Variants in EXOC5 observed in about 807,000 individuals in gnomAD.
The protein encoded by EXOC5 is exocyst complex component 5, also known as SEC10-like 1.
EXOC5 carries 17 observed loss-of-function variants against 90.8 expected under a neutral mutation model. That is an observed-to-expected ratio of 0.19 (90% CI 0.13 to 0.28). EXOC5 has a LOEUF of 0.28. Ranked by LOEUF, EXOC5 falls within the 10% of genes least tolerant of loss-of-function variation. EXOC5 has a pLI of 1.00. For missense variants in EXOC5, 569 were observed against 830.6 expected (o/e 0.69, Z 3.87); for synonymous variants, 260 against 270.0 (o/e 0.96, Z 0.36).
At chr14:57,217,898 C>T (rs2139616516) in intron 15 of EXOC5, 84 bp downstream of exon 15, 1 of 721,572 alleles carries the variant, frequency 1.4e-6, no homozygotes, top group Non-Finnish European at 2.5e-6. Flanking sequence ...AAATATTTTT[C>T]TTCTCTACAA....
intron 12 of EXOC5, 41 bp from the exon 13 acceptor site, chr14:57,222,457 C>T (rs763433815): frequency 3.3e-6 from 4 of 1,216,730 alleles, no homozygotes; most frequent in Admixed American, 2.2e-5. Context: ...CTCAAGTCTA[C>T]CTTTTGAAAA....
intron 6 of EXOC5, 60 bp from the exon 7 acceptor site, chr14:57,235,880 T>C (rs1188539567): frequency 1.2e-5 from 9 of 777,862 alleles, no homozygotes; most frequent in Non-Finnish European, 1.8e-5. Flanking sequence ...TATTTAAGAG[T>C]ATCTACATTA....
In EXOC5 at chr14:57,222,431, TCAAA is replaced by T; in HGVS notation, c.1297-19_1297-16del. 2.1e-6 allele frequency: 3 copies of T among 1,411,046 alleles called. No homozygotes were observed. Among genetic ancestry groups the T allele is most frequent in the Non-Finnish European group, 3.0e-6 (3 of 1,010,892 alleles). The allele number at this position is 1,411,046 out of a possible 1,614,324, so 87.4% of individuals were successfully genotyped here. Reference sequence around the variant, plus strand: ...GGATCAGAGAGCTTAAAAACAAAAATCAAACAATATCACTCCTCAAGTCTACCTT... The same window carrying T: ...GGATCAGAGAGCTTAAAAACAAAAATCAATATCACTCCTCAAGTCTACCTT... On this transcript the variant is annotated splice_polypyrimidine_tract_variant and intron_variant, in intron 12 of 17. Transcript: ENST00000621441.
At chr14:57,236,577 T>C (rs1883666650) in intron 6 of EXOC5, among the ~76,000 whole-genome samples, 2 of 152,150 alleles carry the variant, frequency 1.3e-5, no homozygotes, top group South Asian at 2.1e-4. Context: ...CGAACCACCA[T>C]GTCCGGCCCT....
intron 1 of EXOC5, among the ~76,000 whole-genome samples, chr14:57,255,099 T>A (rs1884312040): frequency 1.3e-5 from 2 of 152,128 alleles, no homozygotes; most frequent in South Asian, 4.1e-4. Flanking sequence ...TGCTTGGCAT[T>A]AGCACTCTGA....
intron 1 of EXOC5, among the ~76,000 whole-genome samples, chr14:57,251,732 TAAAG>T (rs1179635317): frequency 1.6e-5 from 2 of 128,834 alleles, no homozygotes; most frequent in Admixed American, 6.7e-5. Context: ...AATTAGAGAA[TAAAG>T]AAACAATAGG....
At chr14:57,214,159 G>GTGGTAAAGTT (rs1882906631) in intron 15 of EXOC5, among the ~76,000 whole-genome samples, 1 of 152,024 alleles carries the variant, frequency 6.6e-6, no homozygotes, top group African/African-American at 2.4e-5. Flanking sequence ...ACCTACCATT[G>GTGGTAAAGTT]GCATGTCCAG....
intron 1 of EXOC5, among the ~76,000 whole-genome samples, chr14:57,258,497 T>C (rs1285085420): frequency 2.0e-5 from 3 of 151,750 alleles, no homozygotes; most frequent in African/African-American, 7.3e-5. Context: ...AGCTGAAAAA[T>C]GAGAATACAT....
chr14:57,212,601 G>A (rs945887909), intron 15 of EXOC5, among the ~76,000 whole-genome samples: 1 of 152,202 alleles, frequency 6.6e-6, no homozygotes, highest in Non-Finnish European at 1.5e-5. Context: ...TGCCAACATA[G>A]TGGTGTTTCA....
intron 7 of EXOC5, among the ~76,000 whole-genome samples, chr14:57,234,592 T>C (rs2139639584): frequency 6.7e-6 from 1 of 149,382 alleles, no homozygotes; most frequent in Non-Finnish European, 1.5e-5. Context: ...TGAGACAGGA[T>C]TTCACTCCTG....
rs1446636139 is a variant in EXOC5, at chr14:57,203,671, T to A, written c.*4938A>T. On this transcript the variant is annotated 3_prime_UTR_variant, in exon 18 of 18. Transcript: ENST00000621441. ...TACATTTTACTGACCTTTCACTGATTATAAAGTAATTTAAGTGATTTTTGA... is the reference window on the plus strand; with the variant it reads ...TACATTTTACTGACCTTTCACTGATAATAAAGTAATTTAAGTGATTTTTGA... 4.6e-5 allele frequency: 7 copies of A among 152,586 alleles called. 1 individual carries two copies. Among genetic ancestry groups the A allele is most frequent in the Non-Finnish European group, 7.4e-5 (5 of 68,026 alleles). The allele number at this position is 152,586 out of a possible 1,614,324, so 9.5% of individuals were successfully genotyped here. A position where few individuals can be genotyped will look rare whatever the true frequency, so the allele number is the denominator to read the frequency against.
At chr14:57,256,620 C>G (rs988866815) in intron 1 of EXOC5, among the ~76,000 whole-genome samples, 2 of 152,152 alleles carry the variant, frequency 1.3e-5, no homozygotes, top group Admixed American at 1.3e-4. Context: ...CAATAATGTG[C>G]CATCCAGATT....
At chr14:57,267,404 G>A (rs954939738) in intron 1 of EXOC5, among the ~76,000 whole-genome samples, 3 of 152,092 alleles carry the variant, frequency 2.0e-5, no homozygotes, top group Non-Finnish European at 2.9e-5. Context: ...GCAAAATATA[G>A]TAACAATAAC....
In EXOC5 at chr14:57,209,570, G is replaced by A; in HGVS notation, c.1935C>T (p.Phe645=). The A allele has an allele frequency of 1.2e-6, 2 of 1,600,560 alleles. No individual in the cohort carries two copies. The highest frequency in any genetic ancestry group is 1.7e-6 in the Non-Finnish European group (2 of 1,169,128). The part of the protein sequence containing the change: ...VAEYRKCAKD[F]KIPMVLHLFD... ...TGATGTTTTTGTGTACACATACCTT[G>A]AAGTCTTTGGCACACTTCCTATATT... is the stretch of plus-strand genomic sequence containing the variant. Residue 645 remains phenylalanine, a synonymous_variant, in exon 17 of 18, where the codon TTC becomes TTT. Transcript: ENST00000621441.
In EXOC5 at chr14:57,225,847, G is replaced by A. The variant is rs1442124875; in HGVS notation, c.1297-3431C>T. 3.3e-5 allele frequency among the ~76,000 whole-genome samples: 5 copies of A among 152,294 alleles called. No homozygotes were observed. The East Asian group carries it at 7.7e-4, about 24-fold the overall frequency. ...GGTGTTATGTACAGTGGTTCTGTCC[G>A]GAAAGGCGGGACAACTTGAAGGGGT... On this transcript the variant is annotated intron_variant, in intron 12 of 17. Transcript: ENST00000621441.
intron 1 of EXOC5, 31 bp from the exon 2 acceptor site, chr14:57,247,743 G>T: frequency 8.6e-7 from 1 of 1,166,340 alleles, no homozygotes; most frequent in Non-Finnish European, 1.2e-6. Context: ...CTTTAACAAA[G>T]TTTCATATAC....
chr14:57,209,797 C>T lies in EXOC5; in HGVS notation c.1723-15G>A, dbSNP rs10131287. The T allele has an allele frequency of 0.095, 146,654 of 1,549,772 alleles. 22,758 individuals carry two copies. The highest frequency in any genetic ancestry group is 0.72 in the African/African-American group (52,955 of 73,682). On this transcript the variant is annotated splice_polypyrimidine_tract_variant and intron_variant, in intron 16 of 17. Transcript: ENST00000621441. ...TTTACACAGGCCTATAAAAGTTTTT[C>T]TACACTCATTACACAGGAATGTATA...
Position 57,206,052 on chromosome 14 carries a change from G to T in EXOC5, c.*2557C>A. 2 of 447,610 alleles carry T rather than the reference G, an allele frequency of 4.5e-6. No individual in the cohort carries two copies. Among genetic ancestry groups the T allele is most frequent in the Non-Finnish European group, 4.5e-6 (1 of 223,852 alleles). The allele number at this position is 447,610 out of a possible 1,614,324, so 27.7% of individuals were successfully genotyped here. On this transcript the variant is annotated 3_prime_UTR_variant, in exon 18 of 18. Transcript: ENST00000621441. ...TATTAAATTCGTATTCTGTATTTCA[G>T]ATATTTCTCAATTTTAGAAAAACAA...
At chr14:57,249,795 G>A (rs1884135677) in intron 1 of EXOC5, among the ~76,000 whole-genome samples, 1 of 152,074 alleles carries the variant, frequency 6.6e-6, no homozygotes, top group Non-Finnish European at 1.5e-5. Context: ...TTTTGAGACT[G>A]AGTTTCGCTC....
Sources: allele counts gnomAD v4.1 joint callset (sites outside exome capture counted in the v4.1 genomes callset), GRCh38; gene constraint gnomAD v4.1.1; transcripts MANE v1.5; gene names NCBI Gene and HGNC (gene_info 2026-07-23, HGNC 2026-07-21).